SNX29: variants seen among roughly 807,000 people sequenced by gnomAD.
SNX29 encodes sorting nexin 29.
A neutral mutation model predicts 102.1 loss-of-function variants in SNX29; 78 were observed. That is an observed-to-expected ratio of 0.76 (90% CI 0.64 to 0.92). The LOEUF is 0.92. Among genes scored for constraint, SNX29 ranks in the 40% least tolerant of loss-of-function variants. SNX29 has a pLI of 0.00. For synonymous variants in SNX29, 580 were observed against 414.5 expected, an observed-to-expected ratio of 1.40 and a Z score of -4.85; for missense variants, 1,280 against 1,061.7, an observed-to-expected ratio of 1.21 and a Z score of -2.86.
At chr16:12,048,774 C>G (rs2050190523) in intron 7 of SNX29, among the ~76,000 whole-genome samples, 154 bp downstream of exon 7, 1 of 152,188 alleles carries the variant, frequency 6.6e-6, no homozygotes, top group African/African-American at 2.4e-5. Context: ...TCCTCATTCA[C>G]TCTGAAAGGG....
intron 20 of SNX29, among the ~76,000 whole-genome samples, chr16:12,556,879 GTC>G (rs2078388626): frequency 6.6e-6 from 1 of 151,858 alleles, no homozygotes; most frequent in South Asian, 2.1e-4. Flanking sequence ...TTGAGATAGG[GTC>G]TCCGTCTGTC....
At chr16:12,140,677 G>T (rs991177751) in intron 13 of SNX29, among the ~76,000 whole-genome samples, 5 of 152,136 alleles carry the variant, frequency 3.3e-5, no homozygotes, top group African/African-American at 1.2e-4. Flanking sequence ...ACCCTGTCTT[G>T]GTGGGTGAAA....
At chr16:12,116,843 C>CGCG (rs2053727973) in intron 11 of SNX29, among the ~76,000 whole-genome samples, 1 of 150,242 alleles carries the variant, frequency 6.7e-6, no homozygotes. Flanking sequence ...CGTGCTTCAA[C>CGCG]GAGGACGAAC....
chr16:12,518,374 C>A (rs566197558), intron 19 of SNX29, among the ~76,000 whole-genome samples: 1 of 152,316 alleles, frequency 6.6e-6, no homozygotes, highest in East Asian at 1.9e-4. Flanking sequence ...GCCTCCTGTT[C>A]CAGCAAGCCA....
intron 7 of SNX29, among the ~76,000 whole-genome samples, chr16:12,050,221 C>G (rs1447822818): frequency 1.3e-5 from 2 of 152,140 alleles, no homozygotes; most frequent in Non-Finnish European, 2.9e-5. Context: ...TTGTGCTATA[C>G]CAGTGAGGCC....
At chr16:12,077,865 C>T (rs1490420583) in intron 10 of SNX29, among the ~76,000 whole-genome samples, 2 of 152,136 alleles carry the variant, frequency 1.3e-5, no homozygotes, top group African/African-American at 4.8e-5. Context: ...ATGTGATCCA[C>T]CCGCCTCGGC....
intron 16 of SNX29, among the ~76,000 whole-genome samples, chr16:12,369,128 G>C (rs934266528): frequency 1.3e-5 from 2 of 151,614 alleles, no homozygotes; most frequent in African/African-American, 4.9e-5. Context: ...CATGTTATTA[G>C]CATGTTCATA....
chr16:12,472,255 TCAC>T (rs1311623380), intron 18 of SNX29, among the ~76,000 whole-genome samples: 1 of 152,086 alleles, frequency 6.6e-6, no homozygotes, highest in African/African-American at 2.4e-5. Flanking sequence ...GGGTGGTGGC[TCAC>T]GCCTGTAATC....
chr16:12,498,140 A>T (rs2088924344), intron 19 of SNX29, among the ~76,000 whole-genome samples: 1 of 152,208 alleles, frequency 6.6e-6, no homozygotes, highest in South Asian at 2.1e-4. Context: ...ATTGAAGCAG[A>T]TAGACGAATT....
At chr16:12,270,080 C>T (rs894018768) in intron 14 of SNX29, among the ~76,000 whole-genome samples, 1 of 152,038 alleles carries the variant, frequency 6.6e-6, no homozygotes, top group African/African-American at 2.4e-5. Flanking sequence ...AGGCTGGTCT[C>T]AAATTCCTGA....
chr16:12,484,699 A>G (rs990372086), intron 19 of SNX29, among the ~76,000 whole-genome samples: 1 of 152,090 alleles, frequency 6.6e-6, no homozygotes, highest in Non-Finnish European at 1.5e-5. Context: ...AGATTCCTAC[A>G]TGGACGGCTC....
At chr16:12,146,497 C>G (rs2055071559) in intron 13 of SNX29, among the ~76,000 whole-genome samples, 1 of 152,176 alleles carries the variant, frequency 6.6e-6, no homozygotes, top group African/African-American at 2.4e-5. Flanking sequence ...AACTCTTGAC[C>G]TCAAGTGATC....
intron 15 of SNX29, among the ~76,000 whole-genome samples, chr16:12,312,596 T>C (rs2080594861): frequency 6.6e-6 from 1 of 152,068 alleles, no homozygotes; most frequent in South Asian, 2.1e-4. Flanking sequence ...GGGTCTCGCA[T>C]TTCTTGGGAG....
At chr16:11,989,386 GTC>G (rs1453729852) in intron 1 of SNX29, among the ~76,000 whole-genome samples, 3 of 152,194 alleles carry the variant, frequency 2.0e-5, no homozygotes, top group African/African-American at 4.8e-5. Flanking sequence ...TGCAGAGCCT[GTC>G]TCTTTCCATT....
chr16:12,170,861 C>T (rs922522234), intron 13 of SNX29, among the ~76,000 whole-genome samples: 1 of 150,934 alleles, frequency 6.6e-6, no homozygotes, highest in Non-Finnish European at 1.5e-5. Flanking sequence ...AGTGTCTGTG[C>T]GCGCGCGCGT....
intron 18 of SNX29, among the ~76,000 whole-genome samples, chr16:12,422,791 C>T (rs1255939266): frequency 2.0e-5 from 3 of 152,260 alleles, no homozygotes; most frequent in Non-Finnish European, 4.4e-5. Flanking sequence ...CTGCTTCCTT[C>T]AGCCCCCGAC....
At chr16:12,556,969 CTCA>C (rs1179090529) in intron 20 of SNX29, among the ~76,000 whole-genome samples, 1 of 149,786 alleles carries the variant, frequency 6.7e-6, no homozygotes, top group South Asian at 2.2e-4. Context: ...CCACTTCTGC[CTCA>C]TGAGTAGCTG....
At chr16:12,029,722 G>C (rs1425644457) in intron 4 of SNX29, 2 of 424,400 alleles carry the variant, frequency 4.7e-6, no homozygotes, top group East Asian at 7.0e-5. Flanking sequence ...CACCTGAGTA[G>C]CTGGGACTAT....
chr16:12,107,505 G>GAAAAAT (rs2053311727), intron 11 of SNX29, among the ~76,000 whole-genome samples: 1 of 151,944 alleles, frequency 6.6e-6, no homozygotes, highest in Non-Finnish European at 1.5e-5. Flanking sequence ...CGTCTCTACT[G>GAAAAAT]AAAAATACAA....
Sources: allele counts gnomAD v4.1 joint callset (sites outside exome capture counted in the v4.1 genomes callset), GRCh38; gene constraint gnomAD v4.1.1; transcripts MANE v1.5; gene names NCBI Gene and HGNC (gene_info 2026-07-23, HGNC 2026-07-21).